MACROD2: variants seen among roughly 807,000 people sequenced by gnomAD.
The protein encoded by MACROD2 is ADP-ribose glycohydrolase MACROD2.
Under a neutral mutation model 70.4 loss-of-function variants are expected in MACROD2, and 36 were observed. The ratio of observed to expected loss-of-function variants is 0.51; its 90% CI spans 0.39 to 0.68. MACROD2 has a LOEUF of 0.68. Among genes scored for constraint, MACROD2 ranks in the 30% least tolerant of loss-of-function variants. The pLI is 0.00. For synonymous variants in MACROD2, 172 were observed against 178.8 expected, an observed-to-expected ratio of 0.96 and a Z score of 0.30; for missense variants, 496 against 538.4, an observed-to-expected ratio of 0.92 and a Z score of 0.78.
At chr20:14,885,427 T>G (rs1385653668) in intron 5 of MACROD2, among the ~76,000 whole-genome samples, 4 of 152,202 alleles carry the variant, frequency 2.6e-5, no homozygotes, top group African/African-American at 9.6e-5. Flanking sequence ...TGCCATCACC[T>G]CTACTCTGGT....
intron 5 of MACROD2, among the ~76,000 whole-genome samples, chr20:14,767,495 A>G (rs2072106320): frequency 6.6e-6 from 1 of 151,952 alleles, no homozygotes; most frequent in Non-Finnish European, 1.5e-5. Flanking sequence ...TTGCCTGAAG[A>G]CAATACATAT....
intron 3 of MACROD2, among the ~76,000 whole-genome samples, chr20:14,102,912 A>G (rs1219540126): frequency 1.3e-5 from 2 of 152,118 alleles, no homozygotes; most frequent in Non-Finnish European, 2.9e-5. Context: ...TTAGGATCTC[A>G]GTGTCTTTTT....
chr20:15,894,131 G>C (rs2064933392), intron 10 of MACROD2: 2 of 362,282 alleles, frequency 5.5e-6, no homozygotes, highest in Non-Finnish European at 5.4e-6. Context: ...TTCTCTCCTA[G>C]CAGCAGGTCT....
intron 6 of MACROD2, among the ~76,000 whole-genome samples, chr20:15,362,979 GGAAA>G (rs1462437865): frequency 1.3e-5 from 2 of 149,832 alleles, no homozygotes; most frequent in Non-Finnish European, 3.0e-5. Flanking sequence ...AAGGAAGGAA[GGAAA>G]GAAAGAAGGA....
At chr20:15,972,477 G>A (rs1317689292) in intron 13 of MACROD2, among the ~76,000 whole-genome samples, 5 of 152,010 alleles carry the variant, frequency 3.3e-5, no homozygotes, top group Non-Finnish European at 5.9e-5. Context: ...ACAAAAACAA[G>A]CAGAGGAAAA....
intron 5 of MACROD2, among the ~76,000 whole-genome samples, chr20:14,831,871 T>C: frequency 6.6e-6 from 1 of 150,698 alleles, no homozygotes; most frequent in Non-Finnish European, 1.5e-5. Context: ...GTCATCGTTT[T>C]CGTTTGTTGT....
intron 8 of MACROD2, among the ~76,000 whole-genome samples, chr20:15,592,101 C>T (rs1229799399): frequency 6.6e-6 from 1 of 152,138 alleles, no homozygotes; most frequent in Non-Finnish European, 1.5e-5. Context: ...ATTTGCTACT[C>T]GGTAGCTGTG....
At chr20:14,481,486 T>A (rs1187029776) in intron 3 of MACROD2, among the ~76,000 whole-genome samples, 1 of 152,186 alleles carries the variant, frequency 6.6e-6, no homozygotes, top group Non-Finnish European at 1.5e-5. Flanking sequence ...GCGAAATATT[T>A]AAATTTTTAC....
chr20:15,842,468 C>CTTT (rs3071404), intron 8 of MACROD2, among the ~76,000 whole-genome samples: 67,768 of 137,286 alleles, frequency 0.49, 18,124 homozygotes, highest in Non-Finnish European at 0.59. Context: ...TTTTTTTCAT[C>CTTT]TTTTTTTTTT....
At position 14,482,016 on chromosome 20, in the gene MACROD2, G is replaced by A. The variant is rs575579615; in HGVS notation, c.272-11463G>A. Among the ~76,000 whole-genome samples, 339 of 152,208 alleles carry A rather than the reference G, an allele frequency of 2.2e-3. 1 individual carries two copies. The highest frequency in any genetic ancestry group is 7.7e-3 in the African/African-American group (318 of 41,528). ...TATGTATCAGCTGGTCCACTGGCTT[G>A]GTGATTCAGAGCATAACTTTCTAAT... On this transcript the variant is annotated intron_variant, in intron 3 of 17. Coordinates refer to ENST00000684519, the MANE Select transcript of MACROD2 (RefSeq NM_001351661.2).
At chr20:14,117,985 C>G (rs2054536411) in intron 3 of MACROD2, among the ~76,000 whole-genome samples, 1 of 152,128 alleles carries the variant, frequency 6.6e-6, no homozygotes, top group Non-Finnish European at 1.5e-5. Flanking sequence ...CAGGATGGGT[C>G]TGACTCACCG....
intron 3 of MACROD2, among the ~76,000 whole-genome samples, chr20:14,298,169 A>G (rs1439595937): frequency 6.6e-6 from 1 of 151,928 alleles, no homozygotes; most frequent in Non-Finnish European, 1.5e-5. Context: ...AAGAACTTTG[A>G]TGGAGATGTG....
At chr20:14,922,837 A>G (rs1357562613) in intron 5 of MACROD2, among the ~76,000 whole-genome samples, 1 of 152,170 alleles carries the variant, frequency 6.6e-6, no homozygotes, top group African/African-American at 2.4e-5. Flanking sequence ...CTCATTTGGT[A>G]GGGATTTTAA....
chr20:15,533,562 TC>T (rs2047834365), intron 8 of MACROD2, among the ~76,000 whole-genome samples: 4 of 151,408 alleles, frequency 2.6e-5, no homozygotes, highest in African/African-American at 9.8e-5. Context: ...TCTCTCTCTC[TC>T]TCTCTCTCTC....
chr20:14,290,506 T>C (rs2082377122), intron 3 of MACROD2, among the ~76,000 whole-genome samples: 1 of 109,238 alleles, frequency 9.2e-6, no homozygotes, highest in Non-Finnish European at 2.0e-5. Context: ...AAGGTAGCTG[T>C]ATTTTTTTTT....
Position 13,995,769 on chromosome 20 carries a change from C to T in MACROD2, c.6C>T (p.Tyr2=), listed in dbSNP as rs982268037. 7.2e-6 allele frequency: 11 copies of T among 1,525,288 alleles called. No homozygotes were observed. Among genetic ancestry groups the T allele is most frequent in the Non-Finnish European group, 8.9e-6 (10 of 1,123,684 alleles). 94.5% of individuals were successfully genotyped at this position (1,525,288 alleles called of 1,614,324 possible). The part of the protein sequence containing the change: M[Y]PSNKKKKVWR... ...CCAGCCACCCCCACGGCAACATGTA[C>T]CCCAGCAACAAGAAGAAAAAGGTGT... Residue 2 remains tyrosine (Y), a synonymous_variant, in exon 1 of 18, where the codon TAC becomes TAT. Coordinates refer to ENST00000684519, the MANE Select transcript of MACROD2 (RefSeq NM_001351661.2). The surrounding 1 kb of genome is among the most constrained non-coding windows in gnomAD (Gnocchi z 4.3).
intron 5 of MACROD2, among the ~76,000 whole-genome samples, chr20:14,725,066 T>C (rs889959975): frequency 1.3e-5 from 2 of 152,072 alleles, no homozygotes; most frequent in Non-Finnish European, 1.5e-5. Flanking sequence ...GGCTTGCTCA[T>C]GGATTGGATA....
chr20:15,072,388 C>T (rs1476545158), intron 5 of MACROD2, among the ~76,000 whole-genome samples: 1 of 152,102 alleles, frequency 6.6e-6, no homozygotes, highest in Non-Finnish European at 1.5e-5. Context: ...TTCACTGAAT[C>T]ATCTAGATAG....
chr20:15,270,923 G>A (rs1451358592), intron 6 of MACROD2, among the ~76,000 whole-genome samples: 1 of 151,812 alleles, frequency 6.6e-6, no homozygotes, highest in African/African-American at 2.4e-5. Context: ...CACCCTTTTC[G>A]GTTCTACTTC....
Sources: gnomAD v4.1 joint callset for allele counts (sites outside exome capture counted in the v4.1 genomes callset) on GRCh38, gnomAD v4.1.1 for gene constraint, Gnocchi (gnomAD v3.1) non-coding constraint, MANE v1.5 for transcripts, NCBI Gene and HGNC (gene_info 2026-07-23, HGNC 2026-07-21) for gene names.